The following BCKDHB variants were observed in gnomAD, a reference collection of about 807,000 sequenced individuals.
BCKDHB encodes branched chain keto acid dehydrogenase E1 subunit beta.
In BCKDHB, 41 loss-of-function variants were observed where a neutral mutation model predicts 48.5. The ratio of observed to expected loss-of-function variants is 0.85; its 90% CI spans 0.66 to 1.10. BCKDHB has a LOEUF of 1.10. Ranked by LOEUF, BCKDHB falls within the 50% of genes least tolerant of loss-of-function variation. The probability of loss-of-function intolerance (pLI) is 0.00; values close to 1 mark genes in which losing one functional copy is unlikely to be tolerated. For synonymous variants in BCKDHB, 201 were observed against 174.8 expected, an observed-to-expected ratio of 1.15 and a Z score of -1.18; for missense variants, 496 against 494.2, an observed-to-expected ratio of 1.00 and a Z score of -0.03.
intron 9 of BCKDHB, chr6:80,307,534 T>C (rs1035807089): frequency 1.0e-6 from 1 of 984,922 alleles, no homozygotes; most frequent in Admixed American, 6.1e-5. Flanking sequence ...AAATTAAAAC[T>C]TAAACGTCTC....
chr6:80,347,924 A>C (rs558983158), downstream of BCKDHB, among the ~76,000 whole-genome samples: 1 of 152,334 alleles, frequency 6.6e-6, no homozygotes, highest in African/African-American at 2.4e-5. Context: ...TTTTAAATGA[A>C]TGCCAGGTCC....
the BCKDHB span, among the ~76,000 whole-genome samples, chr6:80,402,280 T>A: frequency 6.6e-6 from 1 of 151,884 alleles, no homozygotes; most frequent in Non-Finnish European, 1.5e-5. Flanking sequence ...CAATACTTTT[T>A]ATCTTTTGTC....
At chr6:80,426,285 A>G in the BCKDHB span, among the ~76,000 whole-genome samples, 2 of 152,088 alleles carry the variant, frequency 1.3e-5, no homozygotes, top group Non-Finnish European at 2.9e-5. Flanking sequence ...AGTTGTTTCT[A>G]AAAACTGGGA....
Position 80,344,339 on chromosome 6 carries a change from G to T in BCKDHB, c.*535G>T. The T allele has an allele frequency of 7.8e-6, 1 of 128,596 alleles. No homozygotes were observed. Among genetic ancestry groups the T allele is most frequent in the Non-Finnish European group, 1.5e-5 (1 of 65,426 alleles). The allele number at this position is 128,596 out of a possible 1,614,324, so 8.0% of individuals were successfully genotyped here. A position where few individuals can be genotyped will look rare whatever the true frequency, so the allele number is the denominator to read the frequency against. On this transcript the variant is annotated 3_prime_UTR_variant, in exon 10 of 10. Transcript: ENST00000320393. Reference sequence around the variant, plus strand: ...TTTAATAGAAACATATCTAGCATATGTATATGTGATTTTTTTTTTTTTTTT... The same window carrying T: ...TTTAATAGAAACATATCTAGCATATTTATATGTGATTTTTTTTTTTTTTTT...
At chr6:80,248,333 A>G (rs538763121) in intron 8 of BCKDHB, among the ~76,000 whole-genome samples, 8 of 152,166 alleles carry the variant, frequency 5.3e-5, no homozygotes, top group Non-Finnish European at 1.2e-4. Context: ...ATATAGTTCC[A>G]GATACACTGC....
chr6:80,190,900 A>G (rs1380905063), intron 6 of BCKDHB, among the ~76,000 whole-genome samples: 1 of 152,162 alleles, frequency 6.6e-6, no homozygotes, highest in East Asian at 1.9e-4. Flanking sequence ...GCAGTTGAGG[A>G]GACTTCGCTG....
At chr6:80,224,093 T>C (rs974287803) in intron 8 of BCKDHB, among the ~76,000 whole-genome samples, 1 of 152,206 alleles carries the variant, frequency 6.6e-6, no homozygotes, top group Non-Finnish European at 1.5e-5. Context: ...TTCACAATTA[T>C]GAGTTAGAGC....
At chr6:80,435,252 A>C in the BCKDHB span, among the ~76,000 whole-genome samples, 2 of 152,196 alleles carry the variant, frequency 1.3e-5, no homozygotes, top group Non-Finnish European at 2.9e-5. Flanking sequence ...ACAGCTGGGC[A>C]CAATTTGATT....
At chr6:80,366,535 A>G in the BCKDHB span, among the ~76,000 whole-genome samples, 230 of 152,356 alleles carry the variant, frequency 1.5e-3, 2 homozygotes, top group African/African-American at 5.2e-3. Context: ...CCTACAAGTG[A>G]TAATGTGTTA....
In BCKDHB at chr6:80,271,250, C is replaced by G. The variant is rs73463528; in HGVS notation, c.952-1885C>G. Among the ~76,000 whole-genome samples, 746 of 152,204 alleles carry G rather than the reference C, an allele frequency of 4.9e-3. 5 individuals carry two copies. The highest frequency in any genetic ancestry group is 0.017 in the African/African-American group (716 of 41,530). On this transcript the variant is annotated intron_variant, in intron 8 of 9. Coordinates refer to ENST00000320393, the MANE Select transcript of BCKDHB (RefSeq NM_183050.4). Reference sequence around the variant, plus strand: ...TTACCAGTTAATTTGTCATGGCTGTCTTTACATGTCCTTAGTCTTTTTCAT... The same window carrying G: ...TTACCAGTTAATTTGTCATGGCTGTGTTTACATGTCCTTAGTCTTTTTCAT...
intron 9 of BCKDHB, among the ~76,000 whole-genome samples, chr6:80,289,622 A>G (rs1209032967): frequency 1.3e-5 from 2 of 152,114 alleles, no homozygotes; most frequent in East Asian, 3.9e-4. Flanking sequence ...CCAGCCCCGA[A>G]TGGCTCTTGG....
intron 8 of BCKDHB, among the ~76,000 whole-genome samples, chr6:80,244,965 T>G (rs1776547482): frequency 6.6e-6 from 1 of 152,234 alleles, no homozygotes; most frequent in Non-Finnish European, 1.5e-5. Context: ...AACAAACTTT[T>G]GTTGAGCATC....
At chr6:80,168,536 A>G (rs1288079266) in intron 4 of BCKDHB, among the ~76,000 whole-genome samples, 2 of 127,860 alleles carry the variant, frequency 1.6e-5, no homozygotes, top group African/African-American at 6.3e-5. Context: ...TGGGAAAGGA[A>G]GGAAGGAAGG....
chr6:80,381,210 C>T, the BCKDHB span, among the ~76,000 whole-genome samples: 2 of 151,600 alleles, frequency 1.3e-5, no homozygotes, highest in African/African-American at 4.8e-5. Context: ...TTTTTCTGAA[C>T]AAAGGTATAC....
chr6:80,426,847 GTGT>G, the BCKDHB span, among the ~76,000 whole-genome samples: 9 of 152,194 alleles, frequency 5.9e-5, no homozygotes, highest in African/African-American at 2.2e-4. Flanking sequence ...TTGGTTGATA[GTGT>G]TGTCCACATC....
the BCKDHB span, among the ~76,000 whole-genome samples, chr6:80,463,728 G>A: frequency 1.3e-5 from 2 of 152,086 alleles, no homozygotes; most frequent in Non-Finnish European, 2.9e-5. Context: ...CCACCCATAA[G>A]CATCTATTAT....
intron 7 of BCKDHB, 143 bp downstream of exon 7, chr6:80,201,174 T>TC: frequency 2.7e-6 from 2 of 733,730 alleles, no homozygotes; most frequent in Non-Finnish European, 4.8e-6. Context: ...ATTTCTTTTT[T>TC]CCCTCAACTT....
At chr6:80,433,804 G>T in the BCKDHB span, among the ~76,000 whole-genome samples, 4 of 152,190 alleles carry the variant, frequency 2.6e-5, no homozygotes, top group Non-Finnish European at 5.9e-5. Flanking sequence ...TACTTTGTGT[G>T]TGATGCACGG....
At chr6:80,308,671 T>C (rs7770189) in intron 9 of BCKDHB, among the ~76,000 whole-genome samples, 52,419 of 150,590 alleles carry the variant, frequency 0.35, 9,291 homozygotes, top group African/African-American at 0.37. Context: ...CCCGGCTCAC[T>C]GCAAGCTCCG....
Sources: allele counts gnomAD v4.1 joint callset (sites outside exome capture counted in the v4.1 genomes callset), GRCh38; gene constraint gnomAD v4.1.1; transcripts MANE v1.5; gene names NCBI Gene and HGNC (gene_info 2026-07-23, HGNC 2026-07-21).